The following EML5 variants were observed in gnomAD, a reference collection of about 807,000 sequenced individuals.
The protein encoded by EML5 is EMAP like 5.
A neutral mutation model predicts 250.0 loss-of-function variants in EML5; 120 were observed. That is an observed-to-expected ratio of 0.48 (90% CI 0.41 to 0.56). EML5 has a LOEUF of 0.56. EML5 is among the 20% of genes least tolerant of loss of function. The pLI is 0.00. For synonymous variants in EML5, 771 were observed against 806.5 expected, an observed-to-expected ratio of 0.96 and a Z score of 0.75; for missense variants, 2,006 against 2,437.6, an observed-to-expected ratio of 0.82 and a Z score of 3.73.
intron 31 of EML5, 84 bp from the exon 32 acceptor site, chr14:88,638,991 TTTAAC>T (rs1478705217): frequency 1.0e-6 from 1 of 970,432 alleles, no homozygotes; most frequent in South Asian, 1.6e-5. Flanking sequence ...TAAACTACTC[TTTAAC>T]TTATTTGCTT....
chr14:88,639,261 G>T (rs1236203621), intron 31 of EML5, among the ~76,000 whole-genome samples: 2 of 152,200 alleles, frequency 1.3e-5, no homozygotes, highest in African/African-American at 2.4e-5. Context: ...AGTCAGTGGG[G>T]AAGGGCCTTC....
intron 1 of EML5, among the ~76,000 whole-genome samples, chr14:88,781,195 A>G (rs1193731218): frequency 6.6e-6 from 1 of 152,202 alleles, no homozygotes; most frequent in Non-Finnish European, 1.5e-5. Context: ...TTTTCTGTGC[A>G]TATACAAAGT....
At chr14:88,645,182 C>G (rs559175495) in intron 29 of EML5, among the ~76,000 whole-genome samples, 3 of 151,850 alleles carry the variant, frequency 2.0e-5, no homozygotes, top group Admixed American at 2.0e-4. Context: ...TGCACCACCA[C>G]ACTCAGCTAA....
intron 27 of EML5, among the ~76,000 whole-genome samples, chr14:88,650,822 T>C (rs1041019655): frequency 1.6e-4 from 24 of 152,090 alleles, no homozygotes; most frequent in Non-Finnish European, 2.5e-4. Flanking sequence ...TTCTATTTTT[T>C]GTAGAAATGG....
At chr14:88,774,216 T>G (rs116222903) in intron 1 of EML5, among the ~76,000 whole-genome samples, 2,842 of 152,324 alleles carry the variant, frequency 0.019, 99 homozygotes, top group African/African-American at 0.065. Flanking sequence ...AGATCTGGAA[T>G]GAGCCCAGAT....
At position 88,658,352 on chromosome 14, in the gene EML5, T is replaced by C. The variant is rs775534291; in HGVS notation, c.3712A>G (p.Ser1238Gly). The C allele has an allele frequency of 1.9e-6, 3 of 1,613,636 alleles. No homozygotes were observed. The highest frequency in any genetic ancestry group is 2.2e-5 in the South Asian group (2 of 91,044). ...CAGCGAACATTTGTGACATGTGTAC[T>C]ATGGGCCACATACCTCTTAAACTTT... The part of the protein sequence containing the change: ...FGKFKRYVAH[S>G]THVTNVRWTY... The change falls in exon 26 of 44, where the codon AGT becomes GGT. Residue 1238 changes from serine (S) to glycine (G), a missense_variant. Coordinates refer to ENST00000554922, the MANE Select transcript of EML5 (RefSeq NM_183387.3).
chr14:88,751,269 G>A (rs2094090159), intron 2 of EML5, among the ~76,000 whole-genome samples: 1 of 152,188 alleles, frequency 6.6e-6, no homozygotes, highest in South Asian at 2.1e-4. Flanking sequence ...CTTGGTAGGT[G>A]AGAAAGAGAA....
rs1056234443 is a variant in EML5, at chr14:88,705,407, C to T, written c.1932+75G>A. The T allele has an allele frequency of 1.1e-5, 12 of 1,066,910 alleles. No homozygotes were observed. In the African/African-American group the frequency reaches 1.7e-4, roughly 15 times the overall value. 66.1% of individuals were successfully genotyped at this position (1,066,910 alleles called of 1,614,324 possible). The stretch of plus-strand genomic sequence containing the variant: ...AAATTAAAGCCACAAAAGATAACAA[C>T]AGATGACTAACGGGGAGCAAGATAA... On this transcript the variant is annotated intron_variant, in intron 12 of 43. Coordinates refer to ENST00000554922, the MANE Select transcript of EML5 (RefSeq NM_183387.3).
intron 9 of EML5, among the ~76,000 whole-genome samples, chr14:88,713,961 C>T (rs1315478792): frequency 1.3e-5 from 2 of 151,818 alleles, no homozygotes. Context: ...TCCCGACCTC[C>T]CGAATAGCTG....
intron 33 of EML5, among the ~76,000 whole-genome samples, chr14:88,629,336 T>G (rs1297335344): frequency 1.3e-5 from 2 of 152,156 alleles, no homozygotes; most frequent in Non-Finnish European, 2.9e-5. Flanking sequence ...TGACTGAGCT[T>G]CTCATATTTT....
chr14:88,631,391 T>C (rs1370851914), intron 33 of EML5, among the ~76,000 whole-genome samples: 1 of 152,156 alleles, frequency 6.6e-6, no homozygotes, highest in Non-Finnish European at 1.5e-5. Flanking sequence ...GTTTTGTATA[T>C]TTTTGTAGAG....
At chr14:88,715,660 C>A (rs546923562) in intron 8 of EML5, among the ~76,000 whole-genome samples, 16 of 141,664 alleles carry the variant, frequency 1.1e-4, no homozygotes, top group African/African-American at 3.9e-4. Flanking sequence ...TTCAGTAATA[C>A]TTTTTTTTTT....
chr14:88,622,414 T>G (rs2089162657), intron 37 of EML5, 190 bp downstream of exon 37: 2 of 442,654 alleles, frequency 4.5e-6, no homozygotes, highest in Non-Finnish European at 7.9e-6. Context: ...ACAGAATAGC[T>G]TCCTAGCTTA....
At chr14:88,625,267 T>A in intron 35 of EML5, 140 bp from the exon 36 acceptor site, 1 of 987,910 alleles carries the variant, frequency 1.0e-6, no homozygotes, top group Non-Finnish European at 1.4e-6. Flanking sequence ...CAGCACTGAA[T>A]TCACGAGTCA....
At position 88,625,011 on chromosome 14, in the gene EML5, G is replaced by T. The variant is rs1256189622; in HGVS notation, c.4857C>A (p.Thr1619=). The part of the protein sequence containing the change: ...HNGPVFAMYT[T]LRDGLIVTGG... ...CAGTCACGATAAGTCCATCTCGCAGGGTGGTGTACATGGCAAACACAGGCC... is the reference window on the plus strand; with the variant it reads ...CAGTCACGATAAGTCCATCTCGCAGTGTGGTGTACATGGCAAACACAGGCC... The change falls in exon 36 of 44, where the codon ACC becomes ACA. Residue 1619 remains threonine (T), a synonymous_variant. Transcript: ENST00000554922. 1 of 1,613,680 alleles carries T rather than the reference G, an allele frequency of 6.2e-7. No individual in the cohort carries two copies. Among genetic ancestry groups the T allele is most frequent in the South Asian group, 1.1e-5 (1 of 91,072 alleles).
chr14:88,642,689 C>A (rs1431351749), intron 31 of EML5, among the ~76,000 whole-genome samples: 5 of 152,172 alleles, frequency 3.3e-5, no homozygotes, highest in Admixed American at 6.5e-5. Flanking sequence ...AATTCCTTTT[C>A]TGCTGTATTA....
At chr14:88,627,842 A>T (rs1325609066) in intron 33 of EML5, 23 bp from the exon 34 acceptor site, 2 of 1,546,542 alleles carry the variant, frequency 1.3e-6, no homozygotes, top group Non-Finnish European at 1.7e-6. Context: ...AGTATCAAAA[A>T]GTTGTAATCT....
At chr14:88,776,758 G>T (rs1595864848) in intron 1 of EML5, among the ~76,000 whole-genome samples, 2 of 151,876 alleles carry the variant, frequency 1.3e-5, no homozygotes, top group Admixed American at 1.3e-4. Context: ...GCACATGACT[G>T]TAGTCCCAGC....
intron 29 of EML5, 52 bp downstream of exon 29, chr14:88,646,895 G>T: frequency 6.4e-7 from 1 of 1,569,404 alleles, no homozygotes; most frequent in Non-Finnish European, 8.6e-7. Flanking sequence ...AAATATGGAA[G>T]ATGACAAAAA....
Sources: gnomAD v4.1 joint callset for allele counts (sites outside exome capture counted in the v4.1 genomes callset) on GRCh38, gnomAD v4.1.1 for gene constraint, MANE v1.5 for transcripts, NCBI Gene and HGNC (gene_info 2026-07-23, HGNC 2026-07-21) for gene names.